Variants in RERE observed in about 807,000 individuals in gnomAD.
The protein encoded by RERE is arginine-glutamic acid dipeptide repeats, also known as arginine-glutamic acid dipeptide repeats protein.
A neutral mutation model predicts 146.1 loss-of-function variants in RERE; 40 were observed. That is an observed-to-expected ratio of 0.27 (90% CI 0.21 to 0.36). RERE has a LOEUF of 0.36. Ranked by LOEUF, RERE falls within the 10% of genes least tolerant of loss-of-function variation. The pLI is 1.00. For synonymous variants in RERE, 1,003 were observed against 866.0 expected (o/e 1.16, Z -2.78); for missense variants, 1,933 against 2,138.7 (o/e 0.90, Z 1.90).
chr1:8,669,061 TG>T (rs1638650984), intron 1 of RERE, among the ~76,000 whole-genome samples: 1 of 142,880 alleles, frequency 7.0e-6, no homozygotes, highest in African/African-American at 2.6e-5. Context: ...TGTGTGTGTG[TG>T]TGTGTGTGTG....
intron 2 of RERE, among the ~76,000 whole-genome samples, chr1:8,640,647 G>C (rs1028355025): frequency 1.3e-5 from 2 of 152,096 alleles, no homozygotes; most frequent in African/African-American, 4.8e-5. Context: ...TAATGAAAAA[G>C]ACTTAAAGGT....
At chr1:8,530,696 T>G (rs1041691817) in intron 7 of RERE, among the ~76,000 whole-genome samples, 1 of 143,640 alleles carries the variant, frequency 7.0e-6, no homozygotes, top group African/African-American at 2.6e-5. Flanking sequence ...TTTTTTTTTT[T>G]TTTTTTGAGA....
rs1646008727 is a variant in RERE at position 8,556,515 on chromosome 1, T to C, written c.685A>G (p.Ile229Val). 6.2e-7 allele frequency: 1 copy of C among 1,612,196 alleles called. No homozygotes were observed. Among genetic ancestry groups the C allele is most frequent in the Non-Finnish European group, 8.5e-7 (1 of 1,178,226 alleles). The stretch of plus-strand genomic sequence containing the variant: ...TGGTAAGTGTCAACGTAATCAGAAA[T>C]GAAGAGCTCTCGGTTCTTGATAACT... ...DPVIKNRELF[I>V]SDYVDTYHAA... The change falls in exon 6 of 23, where the codon ATT becomes GTT. Residue 229 changes from isoleucine (I) to valine (V), a missense_variant. Ile to Val is a conservative substitution (Grantham distance 29). Transcript: ENST00000400908.
In RERE at chr1:8,360,596, G is replaced by A; in HGVS notation, c.2911C>T (p.Pro971Ser). 6.7e-7 allele frequency: 1 copy of A among 1,502,194 alleles called. No homozygotes were observed. Among genetic ancestry groups the A allele is most frequent in the Non-Finnish European group, 8.9e-7 (1 of 1,126,224 alleles). 93.1% of individuals were successfully genotyped at this position (1,502,194 alleles called of 1,614,324 possible). ...TGATGTGTGGACAGGGAGCTCAGGG[G>A]CTTCAGGGCTGGAGGGGGAGGCAGG... ...ANLPPPPALK[P>S]LSSLSTHHPP... is the part of the protein sequence containing the mutation. Residue 971 changes from proline (P) to serine (S), a missense_variant, in exon 18 of 23, where the codon CCC becomes TCC. By Grantham distance (74) the Pro-to-Ser change is moderately conservative (BLOSUM62 -1). Around this residue, in one of 11 missense-constraint regions of RERE, gnomAD observed 1,255 missense variants for 1,153.8 expected, o/e 1.09. Transcript: ENST00000400908.
At chr1:8,551,853 C>T (rs1314707864) in intron 6 of RERE, among the ~76,000 whole-genome samples, 1 of 152,216 alleles carries the variant, frequency 6.6e-6, no homozygotes, top group Admixed American at 6.5e-5. Context: ...GACTCAAACA[C>T]AAGTCCTCTA....
At chr1:8,602,921 G>GAGCT (rs1341369554) in intron 4 of RERE, among the ~76,000 whole-genome samples, 1 of 152,104 alleles carries the variant, frequency 6.6e-6, no homozygotes, top group Non-Finnish European at 1.5e-5. Context: ...TCTGAACCAG[G>GAGCT]AGCTGTTCCA....
chr1:8,605,868 A>T (rs1646702570), intron 4 of RERE, among the ~76,000 whole-genome samples: 1 of 26,348 alleles, frequency 3.8e-5, no homozygotes, highest in Non-Finnish European at 7.6e-5. Flanking sequence ...TTTTTGAGAC[A>T]GCGTCTCACT....
At chr1:8,437,587 G>C (rs1644187969) in intron 11 of RERE, among the ~76,000 whole-genome samples, 2 of 152,134 alleles carry the variant, frequency 1.3e-5, no homozygotes, top group African/African-American at 4.8e-5. Context: ...AGGCTACGCT[G>C]CTGGCTTTTG....
At chr1:8,607,332 C>T (rs965266859) in intron 4 of RERE, among the ~76,000 whole-genome samples, 1 of 150,180 alleles carries the variant, frequency 6.7e-6, no homozygotes, top group Non-Finnish European at 1.5e-5. Flanking sequence ...TGCACTCCAG[C>T]CTGGGTGACA....
rs76293780 is a variant in RERE, at chr1:8,814,568, T to C, written c.-145+2592A>G. The stretch of plus-strand genomic sequence containing the variant: ...ATGCAAGGCCACTACATTTGCAAAA[T>C]TGCCGATTTTAGTGAGATTTCCCTC... On this transcript the variant is annotated intron_variant, in intron 1 of 22. Coordinates refer to ENST00000400908, the MANE Select transcript of RERE (RefSeq NM_001042681.2). Among the ~76,000 whole-genome samples the C allele has an allele frequency of 8.4e-3, 1,275 of 152,316 alleles. 8 individuals carry two copies. Among genetic ancestry groups the C allele is most frequent in the Non-Finnish European group, 0.014 (974 of 68,034 alleles).
intron 1 of RERE, among the ~76,000 whole-genome samples, chr1:8,789,301 A>AAAAAAAATATATAT: frequency 1.2e-3 from 29 of 24,800 alleles, no homozygotes; most frequent in African/African-American, 6.3e-3. Context: ...AAAAAAAAAA[A>AAAAAAAATATATAT]ATATATATAT....
intron 4 of RERE, among the ~76,000 whole-genome samples, chr1:8,591,134 G>A (rs1193558453): frequency 6.6e-6 from 1 of 152,152 alleles, no homozygotes; most frequent in Non-Finnish European, 1.5e-5. Flanking sequence ...TTTCTGTGGC[G>A]CTGACATCAG....
intron 2 of RERE, among the ~76,000 whole-genome samples, chr1:8,639,416 G>T (rs1004518385): frequency 3.3e-5 from 5 of 152,196 alleles, no homozygotes; most frequent in African/African-American, 1.2e-4. Flanking sequence ...CTATTTTGGG[G>T]ATAGCTGCTG....
intron 11 of RERE, among the ~76,000 whole-genome samples, chr1:8,435,811 G>A (rs544219406): frequency 1.7e-4 from 26 of 152,264 alleles, no homozygotes; most frequent in African/African-American, 5.8e-4. Context: ...TGCCCCTCTG[G>A]GTCTAGATAA....
At position 8,726,825 on chromosome 1, in the gene RERE, A is replaced by ATT. The variant is rs1255905415; in HGVS notation, c.-144-70385_-144-70384insAA. ...CTGACGTTTATTTATTTATTTATTG[A>ATT]GAAGAAGTCTCCCTCTATTGCCTAG... On this transcript the variant is annotated intron_variant, in intron 1 of 22. Transcript: ENST00000400908. Among the ~76,000 whole-genome samples, 48 of 152,234 alleles carry ATT rather than the reference A, an allele frequency of 3.2e-4. No individual in the cohort carries two copies. The South Asian group carries it at 3.7e-3, about 12-fold the overall frequency.
At chr1:8,358,946 C>T in intron 19 of RERE, 30 bp from the exon 20 acceptor site, 4 of 1,502,480 alleles carry the variant, frequency 2.7e-6, no homozygotes, top group Non-Finnish European at 2.6e-6. Context: ...CGTGAGGGGT[C>T]CCCCGAGCGC....
intron 1 of RERE, among the ~76,000 whole-genome samples, chr1:8,736,499 G>A (rs189593551): frequency 8.2e-4 from 125 of 152,112 alleles, no homozygotes; most frequent in African/African-American, 2.8e-3. Flanking sequence ...GAGCCACCGC[G>A]CCCGGCCTAT....
At chr1:8,620,819 A>C (rs1333810687) in intron 3 of RERE, among the ~76,000 whole-genome samples, 2 of 151,658 alleles carry the variant, frequency 1.3e-5, no homozygotes, top group African/African-American at 4.8e-5. Flanking sequence ...TACTTCTTCC[A>C]TAAATACTTT....
rs141597255 is a variant in RERE at position 8,736,188 on chromosome 1, A to AGTTT, written c.-144-79751_-144-79748dup. Among the ~76,000 whole-genome samples the AGTTT allele has an allele frequency of 1.8e-3, 246 of 138,342 alleles. 1 individual carries two copies. Among genetic ancestry groups the AGTTT allele is most frequent in the South Asian group, 0.012 (50 of 4,298 alleles). 90.8% of individuals were successfully genotyped at this position (138,342 alleles called of 152,430 possible). A position where few individuals can be genotyped will look rare whatever the true frequency, so the allele number is the denominator to read the frequency against. On this transcript the variant is annotated intron_variant, in intron 1 of 22. Transcript: ENST00000400908. The stretch of plus-strand genomic sequence containing the variant: ...GCAATTGTTCTGCATTTAAACCATC[A>AGTTT]GTTTGTTTGTTTGTTTGTTTGTTTG...
Sources: allele counts gnomAD v4.1 joint callset (sites outside exome capture counted in the v4.1 genomes callset), GRCh38; gene constraint gnomAD v4.1.1; regional missense constraint gnomAD v4.1.1; transcripts MANE v1.5; gene names NCBI Gene and HGNC (gene_info 2026-07-23, HGNC 2026-07-21).